The following SORCS1 variants were observed in gnomAD, a reference collection of about 807,000 sequenced individuals.
The protein encoded by SORCS1 is sortilin related VPS10 domain containing receptor 1, also known as VPS10 domain-containing receptor SorCS1.
Under a neutral mutation model 146.1 loss-of-function variants are expected in SORCS1, and 60 were observed. That is an observed-to-expected ratio of 0.41 (90% confidence interval 0.33 to 0.51). The LOEUF is 0.51. Among genes scored for constraint, SORCS1 ranks in the 20% least tolerant of loss-of-function variants. SORCS1 has a pLI of 0.21. For synonymous variants in SORCS1, 637 were observed against 584.0 expected (o/e 1.09, Z -1.31); for missense variants, 1,352 against 1,487.6 (o/e 0.91, Z 1.50).
At chr10:107,101,099 G>A (rs1197733531) in intron 1 of SORCS1, among the ~76,000 whole-genome samples, 4 of 151,902 alleles carry the variant, frequency 2.6e-5, no homozygotes, top group African/African-American at 4.8e-5. Flanking sequence ...CACTCTCATT[G>A]CCCAGGCTGG....
rs2134614033 is a variant in SORCS1 at position 107,129,019 on chromosome 10, A to T, written c.558+34950T>A. On this transcript the variant is annotated intron_variant, in intron 1 of 25. Coordinates refer to ENST00000263054, the MANE Select transcript of SORCS1 (RefSeq NM_052918.5). ...TTGCAAAAAAGGATGCTCTTTCTCA[A>T]CACCAGTCCCTGAGCACAAACTCGT... Among the ~76,000 whole-genome samples, 2 of 152,352 alleles carry T rather than the reference A, an allele frequency of 1.3e-5. 1 individual carries two copies. The highest frequency in any genetic ancestry group is 4.1e-4 in the South Asian group (2 of 4,824).
chr10:107,130,378 T>C (rs11193209), intron 1 of SORCS1, among the ~76,000 whole-genome samples: 10,024 of 152,322 alleles, frequency 0.066, 702 homozygotes, highest in East Asian at 0.35. Flanking sequence ...TTCATACTTA[T>C]AATAGTTTTA....
intron 2 of SORCS1, among the ~76,000 whole-genome samples, chr10:106,843,715 G>A (rs748629556): frequency 1.1e-4 from 17 of 152,142 alleles, no homozygotes; most frequent in Admixed American, 2.0e-4. Flanking sequence ...GATTACAGGC[G>A]TGAGCCACTG....
At chr10:106,851,217 C>A (rs1022232249) in intron 2 of SORCS1, among the ~76,000 whole-genome samples, 1 of 152,032 alleles carries the variant, frequency 6.6e-6, no homozygotes, top group Admixed American at 6.6e-5. Context: ...TCTGGATTAC[C>A]CATTTTTTTC....
chr10:106,994,615 T>C (rs1203335156), intron 1 of SORCS1, among the ~76,000 whole-genome samples: 2 of 152,238 alleles, frequency 1.3e-5, no homozygotes, highest in South Asian at 2.1e-4. Flanking sequence ...CAGAAGTATA[T>C]GCCACTGAGC....
In SORCS1 at chr10:107,054,698, C is replaced by G. The variant is rs927349231; in HGVS notation, c.559-98118G>C. Among the ~76,000 whole-genome samples, 4 of 152,180 alleles carry G rather than the reference C, an allele frequency of 2.6e-5. 1 individual carries two copies. Among genetic ancestry groups the G allele is most frequent in the Admixed American group, 2.6e-4 (4 of 15,276 alleles). On this transcript the variant is annotated intron_variant, in intron 1 of 25. Transcript: ENST00000263054. The stretch of plus-strand genomic sequence containing the variant: ...TGTGAACTCTACTCCCTGGGACATT[C>G]ATTAATTAATAGCCAAACAGCAAAC...
intron 3 of SORCS1, among the ~76,000 whole-genome samples, chr10:106,784,595 A>G (rs1379148802): frequency 6.6e-6 from 1 of 152,172 alleles, no homozygotes; most frequent in East Asian, 1.9e-4. Flanking sequence ...ACAAGTCCCA[A>G]AGTAACTTCT....
intron 1 of SORCS1, among the ~76,000 whole-genome samples, chr10:107,021,711 C>T (rs1314384500): frequency 6.6e-6 from 1 of 151,844 alleles, no homozygotes; most frequent in Non-Finnish European, 1.5e-5. Context: ...CTGTTATAGG[C>T]AATTGATAAA....
intron 19 of SORCS1, among the ~76,000 whole-genome samples, chr10:106,628,540 A>C (rs2133569025): frequency 6.6e-6 from 1 of 152,346 alleles, no homozygotes; most frequent in African/African-American, 2.4e-5. Context: ...ATAACTTAGA[A>C]GTTATTATTG....
At chr10:106,589,697 G>GA (rs1157873689) in intron 24 of SORCS1, among the ~76,000 whole-genome samples, 1,978 of 55,354 alleles carry the variant, frequency 0.036, 66 homozygotes, top group African/African-American at 0.1. Context: ...CTTTGACGAC[G>GA]AAAAAAAAAA....
At chr10:106,686,376 T>C (rs1006350136) in intron 10 of SORCS1, among the ~76,000 whole-genome samples, 1 of 152,224 alleles carries the variant, frequency 6.6e-6, no homozygotes, top group Non-Finnish European at 1.5e-5. Context: ...TCATTTATGA[T>C]GCCAGAGTCC....
At chr10:107,036,865 C>T (rs369935017) in intron 1 of SORCS1, among the ~76,000 whole-genome samples, 5 of 152,208 alleles carry the variant, frequency 3.3e-5, no homozygotes, top group African/African-American at 1.2e-4. Context: ...TAATTGGATG[C>T]TATAATCATC....
intron 1 of SORCS1, among the ~76,000 whole-genome samples, chr10:107,012,848 C>T (rs1177528776): frequency 1.3e-5 from 2 of 152,120 alleles, no homozygotes; most frequent in African/African-American, 4.8e-5. Context: ...TGGCTAGCTC[C>T]TCTCTTTCCC....
chr10:106,683,404 G>T (rs1361406196), intron 10 of SORCS1, among the ~76,000 whole-genome samples: 2 of 152,076 alleles, frequency 1.3e-5, no homozygotes, highest in East Asian at 3.9e-4. Flanking sequence ...GATTGTTTTA[G>T]GTTCCACATA....
At chr10:106,816,264 A>G (rs1018591815) in intron 3 of SORCS1, among the ~76,000 whole-genome samples, 1 of 152,240 alleles carries the variant, frequency 6.6e-6, no homozygotes, top group African/African-American at 2.4e-5. Context: ...AGAAGTACCA[A>G]TCTTGCTACA....
the SORCS1 span, among the ~76,000 whole-genome samples, chr10:107,174,278 T>A: frequency 6.6e-6 from 1 of 152,192 alleles, no homozygotes; most frequent in African/African-American, 2.4e-5. Context: ...CCATCTCGGC[T>A]CACTGCAAGC....
chr10:106,590,803 C>T (rs941011330), intron 24 of SORCS1, among the ~76,000 whole-genome samples: 11 of 152,092 alleles, frequency 7.2e-5, no homozygotes, highest in Non-Finnish European at 1.2e-4. Context: ...TACAGGTGCA[C>T]GCCACCATGC....
chr10:107,048,389 C>G (rs2134032163), intron 1 of SORCS1, among the ~76,000 whole-genome samples: 1 of 152,218 alleles, frequency 6.6e-6, no homozygotes, highest in Admixed American at 6.5e-5. Context: ...CCTCATTTTT[C>G]TTCATGGTCC....
At chr10:106,794,217 G>C (rs927209678) in intron 3 of SORCS1, among the ~76,000 whole-genome samples, 2 of 152,102 alleles carry the variant, frequency 1.3e-5, no homozygotes, top group African/African-American at 4.8e-5. Flanking sequence ...AACAACTCTA[G>C]AACTGCTATC....
Sources: allele counts gnomAD v4.1 joint callset (sites outside exome capture counted in the v4.1 genomes callset), GRCh38; gene constraint gnomAD v4.1.1; transcripts MANE v1.5; gene names NCBI Gene and HGNC (gene_info 2026-07-23, HGNC 2026-07-21).